MYO19: variants seen among roughly 807,000 people sequenced by gnomAD.
MYO19 encodes the protein myosin XIX.
Under a neutral mutation model 129.2 loss-of-function variants are expected in MYO19, and 132 were observed. The observed-to-expected ratio is 1.02, with a 90% CI of 0.89 to 1.18. MYO19 has a LOEUF of 1.18. Ranked by LOEUF, MYO19 falls within the 50% of genes most tolerant of loss-of-function variation. The probability of loss-of-function intolerance (pLI) is 0.00; values close to 1 mark genes in which losing one functional copy is unlikely to be tolerated. For missense variants in MYO19, 1,210 were observed against 1,216.7 expected (o/e 0.99, Z 0.08); for synonymous variants, 531 against 477.2 (o/e 1.11, Z -1.47).
chr17:36,523,632 C>T (rs1448957285), intron 6 of MYO19, among the ~76,000 whole-genome samples: 1 of 152,152 alleles, frequency 6.6e-6, no homozygotes, highest in Non-Finnish European at 1.5e-5. Context: ...TATTATATGG[C>T]TCTGCTATGC....
chr17:36,518,556 GTA>G (rs1491244842), intron 6 of MYO19, among the ~76,000 whole-genome samples: 1 of 81,690 alleles, frequency 1.2e-5, no homozygotes, highest in African/African-American at 4.9e-5. Context: ...ATATATATGT[GTA>G]TGTGTATATA....
In MYO19 at chr17:36,516,007, CCTGTGGGAG is replaced by C. The variant is rs1567764721; in HGVS notation, c.415-26_415-18del. ...CGTCCATGTCTGTGGCAGAAACAGC[CCTGTGGGAG>C]CTGTATCTATGCTCCCGCCCACTTC... On this transcript the variant is annotated intron_variant, in intron 6 of 25. Transcript: ENST00000614623. 6.2e-7 allele frequency: 1 copy of C among 1,600,904 alleles called. No individual in the cohort carries two copies. The highest frequency in any genetic ancestry group is 1.3e-5 in the African/African-American group (1 of 74,894).
chr17:36,497,319 TG>T (rs1245952286), intron 25 of MYO19, among the ~76,000 whole-genome samples: 1 of 133,908 alleles, frequency 7.5e-6, no homozygotes, highest in Non-Finnish European at 1.6e-5. Context: ...TTAAATAACA[TG>T]AAAAAAAAAA....
chr17:36,514,609 A>G, intron 8 of MYO19, 61 bp from the exon 9 acceptor site: 1 of 1,158,586 alleles, frequency 8.6e-7, no homozygotes, highest in Non-Finnish European at 1.3e-6. Flanking sequence ...CATGTCTGGC[A>G]ATCTGGGTGT....
At chr17:36,538,629 GGA>G (rs1417265709), upstream of MYO19, 54 of 1,531,330 alleles carry the variant, frequency 3.5e-5, no homozygotes, top group Non-Finnish European at 4.3e-5. Context: ...AGCAGGAGTA[GGA>G]TATATAAGTA....
chr17:36,506,528 G>A lies in MYO19; in HGVS notation c.1725C>T (p.Pro575=). 6.2e-7 allele frequency: 1 copy of A among 1,601,226 alleles called. No homozygotes were observed. The highest frequency in any genetic ancestry group is 8.5e-7 in the Non-Finnish European group (1 of 1,175,658). The stretch of plus-strand genomic sequence containing the variant: ...GGGGTTCCTCCTGGGTCTTCTCTTT[G>A]GGGTTAGTAGGAAACAGCCCCATGA... ...PLLMGLFPTN[P]KEKTQEEPPG... Residue 575 remains proline (P), a synonymous_variant, in exon 18 of 26, where the codon CCC becomes CCT. Transcript: ENST00000614623.
At chr17:36,515,314 G>T in intron 7 of MYO19, 132 bp from the exon 8 acceptor site, 1 of 699,520 alleles carries the variant, frequency 1.4e-6, no homozygotes, top group Non-Finnish European at 2.4e-6. Context: ...TGGTTTTCAT[G>T]TCATAGGGGA....
At chr17:36,525,888 T>C (rs973489767) in intron 5 of MYO19, among the ~76,000 whole-genome samples, 16 of 152,162 alleles carry the variant, frequency 1.1e-4, no homozygotes, top group Admixed American at 7.9e-4. Flanking sequence ...TGAGGAAACA[T>C]AGGGGACTAC....
At chr17:36,513,237 T>TA in intron 11 of MYO19, 192 bp downstream of exon 11, 1 of 1,454,938 alleles carries the variant, frequency 6.9e-7, no homozygotes. Context: ...CTCTTCCTTA[T>TA]GCCCCGTCCA....
chr17:36,535,350 C>G (rs1418754622), upstream of MYO19: 2 of 152,288 alleles, frequency 1.3e-5, no homozygotes, highest in Non-Finnish European at 2.9e-5. Context: ...CCTAGAAGAT[C>G]TGGCCTGCAC....
Position 36,518,791 on chromosome 17 carries a change from T to C in MYO19, c.415-2801A>G, listed in dbSNP as rs899416450. Among the ~76,000 whole-genome samples the C allele has an allele frequency of 3.6e-3, 545 of 151,806 alleles. 2 individuals are homozygous for C. The highest frequency in any genetic ancestry group is 0.012 in the African/African-American group (513 of 41,408). ...TTAAACCCAGGCATAGTGAGATAGA[T>C]AGATAGACAGATAGATAGATTTTTT... On this transcript the variant is annotated intron_variant, in intron 6 of 25. Transcript: ENST00000614623.
At chr17:36,533,016 A>G (rs1337512672) in intron 2 of MYO19, 1 of 161,252 alleles carries the variant, frequency 6.2e-6, no homozygotes, top group Non-Finnish European at 1.4e-5. Flanking sequence ...GAAATATCCT[A>G]TTTCAGTCGT....
At chr17:36,513,985 G>A (rs892705836) in intron 9 of MYO19, among the ~76,000 whole-genome samples, 1 of 152,212 alleles carries the variant, frequency 6.6e-6, no homozygotes, top group Non-Finnish European at 1.5e-5. Flanking sequence ...TGCCCAGGGA[G>A]TCCGTCGTCT....
intron 1 of MYO19, chr17:36,542,379 C>T (rs2074201494): frequency 6.6e-6 from 1 of 152,082 alleles, no homozygotes; most frequent in Admixed American, 6.6e-5. Context: ...TTTTAATGTT[C>T]TTTACCAACC....
chr17:36,513,560 GGCAGGCTCTGTACAGA>G, intron 10 of MYO19, 53 bp downstream of exon 10: 1 of 1,613,730 alleles, frequency 6.2e-7, no homozygotes, highest in Non-Finnish European at 8.5e-7. Context: ...ATGCGAGGGA[GGCAGGCTCTGTACAGA>G]GTGGGTGGGT....
chr17:36,497,204 G>T (rs1302782873), intron 25 of MYO19, among the ~76,000 whole-genome samples: 2 of 151,878 alleles, frequency 1.3e-5, no homozygotes, highest in Non-Finnish European at 2.9e-5. Context: ...AGGCATGGTG[G>T]CACATGCCCT....
upstream of MYO19, chr17:36,537,857 GTTGA>G (rs2074164240): frequency 6.2e-7 from 1 of 1,614,034 alleles, no homozygotes; most frequent in Non-Finnish European, 8.5e-7. Context: ...CACCACTGCT[GTTGA>G]TTATTTTTCC....
In MYO19 at chr17:36,525,242, T is replaced by C. The variant is rs762596894; in HGVS notation, c.400A>G (p.Ser134Gly). Residue 134 changes from serine to glycine, a missense_variant, in exon 6 of 26, where the codon AGT (serine) becomes GGT (glycine). Transcript: ENST00000614623. ...VNQSIVVSGESGAGKTWTSRC... is the reference protein window; with the variant it reads ...VNQSIVVSGEGGAGKTWTSRC... ...CGTCTTCCTACCTTTCCAGCACCAC[T>C]CTCTCCACTGACAACAATAGACTGG... 25 of 1,613,462 alleles carry C rather than the reference T, an allele frequency of 1.5e-5. No homozygotes were observed. Among genetic ancestry groups the C allele is most frequent in the South Asian group, 1.1e-5 (1 of 91,032 alleles).
chr17:36,526,842 G>A (rs1183764862), intron 5 of MYO19, among the ~76,000 whole-genome samples: 1 of 151,828 alleles, frequency 6.6e-6, no homozygotes, highest in African/African-American at 2.4e-5. Context: ...AGTCAAGATC[G>A]CACTACTGCG....
Sources: gnomAD v4.1 joint callset for allele counts (sites outside exome capture counted in the v4.1 genomes callset) on GRCh38, gnomAD v4.1.1 for gene constraint, MANE v1.5 for transcripts, NCBI Gene and HGNC (gene_info 2026-07-23, HGNC 2026-07-21) for gene names.